Variants in RTN1 observed in about 807,000 individuals in gnomAD.
The protein encoded by RTN1 is reticulon-1.
In RTN1, 25 loss-of-function variants were observed where a neutral mutation model predicts 65.5. That is an observed-to-expected ratio of 0.38 (90% CI 0.28 to 0.53). RTN1 has a LOEUF of 0.53. Among genes scored for constraint, RTN1 ranks in the 20% least tolerant of loss-of-function variants. The probability of loss-of-function intolerance (pLI) is 0.79; values close to 1 mark genes in which losing one functional copy is unlikely to be tolerated. For missense variants in RTN1, 983 were observed against 1,025.4 expected (o/e 0.96, Z 0.57); for synonymous variants, 471 against 447.6 (o/e 1.05, Z -0.66).
intron 3 of RTN1, among the ~76,000 whole-genome samples, chr14:59,626,205 T>C (rs548099774): frequency 2.6e-5 from 4 of 152,236 alleles, no homozygotes; most frequent in Non-Finnish European, 5.9e-5. Context: ...TATTCTGGAA[T>C]GCTTAGCTCT....
At chr14:59,698,180 C>T (rs1408633540) in intron 3 of RTN1, among the ~76,000 whole-genome samples, 3 of 152,136 alleles carry the variant, frequency 2.0e-5, no homozygotes, top group Admixed American at 6.6e-5. Context: ...GGTGAGTTCT[C>T]TGTACTGAGA....
intron 3 of RTN1, among the ~76,000 whole-genome samples, chr14:59,682,119 C>T (rs1193222878): frequency 1.3e-5 from 2 of 152,124 alleles, no homozygotes; most frequent in East Asian, 3.9e-4. Context: ...CATGGCTTTG[C>T]CACTGACATA....
intron 1 of RTN1, among the ~76,000 whole-genome samples, chr14:59,820,271 C>G (rs56780665): frequency 6.9e-6 from 1 of 144,320 alleles, no homozygotes; most frequent in East Asian, 2.0e-4. Context: ...GTTTATGCTT[C>G]TTAGAGATTC....
At chr14:59,629,959 C>T (rs1322700557) in intron 3 of RTN1, among the ~76,000 whole-genome samples, 1 of 152,228 alleles carries the variant, frequency 6.6e-6, no homozygotes, top group East Asian at 1.9e-4. Flanking sequence ...CTCCACTCTC[C>T]TTTGTGTGAC....
intron 1 of RTN1, among the ~76,000 whole-genome samples, chr14:59,850,814 A>G (rs1311474886): frequency 2.6e-5 from 4 of 152,242 alleles, no homozygotes; most frequent in African/African-American, 9.6e-5. Flanking sequence ...AGCTCACTGA[A>G]TCCTCAAACC....
At chr14:59,859,403 T>C (rs1278466297) in intron 1 of RTN1, among the ~76,000 whole-genome samples, 1 of 152,224 alleles carries the variant, frequency 6.6e-6, no homozygotes, top group Non-Finnish European at 1.5e-5. Flanking sequence ...TCCACCATGA[T>C]TGTGAGGCTT....
At chr14:59,756,504 A>G (rs1031713009) in intron 1 of RTN1, among the ~76,000 whole-genome samples, 5 of 152,252 alleles carry the variant, frequency 3.3e-5, no homozygotes, top group Non-Finnish European at 7.4e-5. Context: ...AATTCACCCA[A>G]CTGATTTAAA....
intron 3 of RTN1, among the ~76,000 whole-genome samples, chr14:59,670,885 A>G (rs9323352): frequency 0.42 from 63,792 of 151,616 alleles, 14,276 homozygotes; most frequent in African/African-American, 0.57. Flanking sequence ...TTATTAACAC[A>G]TCTTTGAAAG....
At chr14:59,768,666 C>T (rs1252644618) in intron 1 of RTN1, among the ~76,000 whole-genome samples, 1 of 152,144 alleles carries the variant, frequency 6.6e-6, no homozygotes, top group Non-Finnish European at 1.5e-5. Context: ...AATCTTGCCA[C>T]TAACATGCTA....
chr14:59,726,822 G>T, intron 3 of RTN1, 97 bp downstream of exon 3: 1 of 1,005,192 alleles, frequency 9.9e-7, no homozygotes, highest in Non-Finnish European at 1.5e-6. Context: ...ATCAGCATGG[G>T]GATGACTCCA....
intron 3 of RTN1, among the ~76,000 whole-genome samples, chr14:59,651,066 C>A (rs1883010066): frequency 6.6e-6 from 1 of 152,006 alleles, no homozygotes; most frequent in Admixed American, 6.6e-5. Context: ...AAAAAAGAAC[C>A]TGAAAAGCTA....
Position 59,710,223 on chromosome 14 carries a change from T to A in RTN1, c.1765+16696A>T, listed in dbSNP as rs1379570952. On this transcript the variant is annotated intron_variant, in intron 3 of 8. Transcript: ENST00000267484. ...ATACCTGGCCAATTTTTGTATCTTTTTTTTGTAAAGATGGGGTTTTGTCAT... is the reference window on the plus strand; with the variant it reads ...ATACCTGGCCAATTTTTGTATCTTTATTTTGTAAAGATGGGGTTTTGTCAT... Among the ~76,000 whole-genome samples the A allele has an allele frequency of 2.6e-5, 4 of 152,180 alleles. No homozygotes were observed. In the East Asian group the frequency reaches 7.8e-4, roughly 30 times the overall value.
At chr14:59,719,569 G>A (rs1016492745) in intron 3 of RTN1, among the ~76,000 whole-genome samples, 8 of 152,198 alleles carry the variant, frequency 5.3e-5, no homozygotes, top group African/African-American at 1.9e-4. Context: ...TGCCATATTG[G>A]TTGAATCAAA....
At chr14:59,826,994 G>C (rs990446577) in intron 1 of RTN1, among the ~76,000 whole-genome samples, 7 of 152,316 alleles carry the variant, frequency 4.6e-5, no homozygotes, top group African/African-American at 1.7e-4. Context: ...GTAGCTGGAT[G>C]ACAAGAAGCA....
intron 1 of RTN1, 42 bp from the exon 2 acceptor site, chr14:59,746,523 C>A (rs766442826): frequency 6.6e-7 from 1 of 1,507,868 alleles, no homozygotes; most frequent in Non-Finnish European, 8.9e-7. Context: ...GGGTGCTTGG[C>A]GTCAGCTCTC....
At chr14:59,658,611 C>T (rs745626312) in intron 3 of RTN1, among the ~76,000 whole-genome samples, 4 of 152,158 alleles carry the variant, frequency 2.6e-5, no homozygotes, top group Admixed American at 6.5e-5. Flanking sequence ...GAGTGGACCT[C>T]CAGAAAATTC....
chr14:59,634,315 T>C (rs557530144), intron 3 of RTN1, among the ~76,000 whole-genome samples: 10 of 152,268 alleles, frequency 6.6e-5, no homozygotes, highest in African/African-American at 2.2e-4. Flanking sequence ...CTGAGAAATA[T>C]AGCAATTGGA....
chr14:59,821,681 A>G (rs1886947053), intron 1 of RTN1, among the ~76,000 whole-genome samples: 1 of 152,210 alleles, frequency 6.6e-6, no homozygotes, highest in Admixed American at 6.5e-5. Context: ...ATCTTGAGGT[A>G]TGATCTTTCG....
rs1251822660 is a variant in RTN1 at position 59,803,833 on chromosome 14, T to A, written c.242-57352A>T. Among the ~76,000 whole-genome samples, 1 of 152,218 alleles carries A rather than the reference T, an allele frequency of 6.6e-6. No individual in the cohort carries two copies. ...AAGATTCAGAAACCTGAGGCCACAG[T>A]ATCCTATACTTAATTGTCTAAATGT... On this transcript the variant is annotated intron_variant, in intron 1 of 8. Coordinates refer to ENST00000267484, the MANE Select transcript of RTN1 (RefSeq NM_021136.3). This position sits in a 1 kb window ranked among gnomAD's most constrained non-coding sequence, Gnocchi z 5.6.
Sources: allele counts gnomAD v4.1 joint callset (sites outside exome capture counted in the v4.1 genomes callset), GRCh38; gene constraint gnomAD v4.1.1; non-coding constraint Gnocchi (gnomAD v3.1); transcripts MANE v1.5; gene names NCBI Gene and HGNC (gene_info 2026-07-23, HGNC 2026-07-21).